GGPS1: variants seen among roughly 807,000 people sequenced by gnomAD.
The protein encoded by GGPS1 is geranylgeranyl pyrophosphate synthase.
A neutral mutation model predicts 28.1 loss-of-function variants in GGPS1; 15 were observed. The observed-to-expected ratio is 0.53, with a 90% CI of 0.36 to 0.82. The LOEUF is 0.82. GGPS1 is among the 40% of genes least tolerant of loss of function. The pLI is 0.01. For missense variants in GGPS1, 284 were observed against 348.3 expected, an observed-to-expected ratio of 0.82 and a Z score of 1.47; for synonymous variants, 138 against 122.4, an observed-to-expected ratio of 1.13 and a Z score of -0.84.
chr1:235,329,134 G>T (rs759082486), intron 1 of GGPS1: 3 of 152,202 alleles, frequency 2.0e-5, no homozygotes, highest in Non-Finnish European at 4.4e-5. Context: ...CAGATCCATC[G>T]TCTTTCTCCC....
intron 1 of GGPS1, among the ~76,000 whole-genome samples, chr1:235,331,306 G>A (rs926458078): frequency 6.6e-6 from 1 of 152,088 alleles, no homozygotes; most frequent in African/African-American, 2.4e-5. Flanking sequence ...GTTTCATATA[G>A]ATAAGAACAG....
chr1:235,327,829 C>G (rs560077534), upstream of GGPS1: 451 of 152,730 alleles, frequency 3.0e-3, 2 homozygotes, highest in Non-Finnish European at 5.1e-3. Context: ...CTTCTCCCCC[C>G]CAAAACCAGC....
rs758770253 is a variant in GGPS1, at chr1:235,342,012, T to C, written c.143T>C (p.Ile48Thr). The C allele has an allele frequency of 9.8e-6, 15 of 1,537,892 alleles. No homozygotes were observed. Among genetic ancestry groups the C allele is most frequent in the Non-Finnish European group, 1.3e-5 (15 of 1,132,476 alleles). The change falls in exon 4 of 4, where the codon ATT becomes ACT. Residue 48 changes from isoleucine to threonine, a missense_variant and splice_region_variant. By Grantham distance (89) the Ile-to-Thr change is moderately conservative. Transcript: ENST00000282841. ...TGAAATTTTCAATTTTTTTATTAGA[T>C]TATTATTGAAGTGACAGAAATGTTG... ...WLKVPEDKLQ[I>T]IIEVTEMLHN...
chr1:235,344,153 A>C lies in GGPS1; in HGVS notation c.*1381A>C, dbSNP rs1572276838. The C allele has an allele frequency of 6.2e-6, 1 of 160,360 alleles. No homozygotes were observed. The highest frequency in any genetic ancestry group is 2.5e-5 in the African/African-American group (1 of 40,302). 9.9% of individuals were successfully genotyped at this position (160,360 alleles called of 1,614,324 possible). A position where few individuals can be genotyped will look rare whatever the true frequency, so the allele number is the denominator to read the frequency against. ...CATCTGTGGCCCAAGAGGTAGGACA[A>C]AAAAAAAAAAAAAAAAAGCTGATTT... On this transcript the variant is annotated 3_prime_UTR_variant, in exon 4 of 4. Transcript: ENST00000282841.
rs763204994 is a variant in GGPS1 at position 235,335,426 on chromosome 1, C to T, written c.70+92C>T. ...AATAGAAAAGGTTAGACTTGCTAGC[C>T]GTTGAGATTTTCTATTTAAGGTGAT... On this transcript the variant is annotated intron_variant, in intron 2 of 3. Transcript: ENST00000282841. 42 of 602,280 alleles carry T rather than the reference C, an allele frequency of 7.0e-5. No individual in the cohort carries two copies. In the Middle Eastern group the frequency reaches 1.1e-3, roughly 15 times the overall value. 37.3% of individuals were successfully genotyped at this position (602,280 alleles called of 1,614,324 possible). A position where few individuals can be genotyped will look rare whatever the true frequency, so the allele number is the denominator to read the frequency against.
chr1:235,344,272 A>G lies in GGPS1; in HGVS notation c.*1500A>G, dbSNP rs1676140491. 6.0e-6 allele frequency: 1 copy of G among 166,870 alleles called. No individual in the cohort carries two copies. The highest frequency in any genetic ancestry group is 1.5e-5 in the Non-Finnish European group (1 of 68,088). 10.3% of individuals were successfully genotyped at this position (166,870 alleles called of 1,614,324 possible). On this transcript the variant is annotated 3_prime_UTR_variant, in exon 4 of 4. Transcript: ENST00000282841. ...TTCTATAGTATGTTACTTAGGATCT[A>G]TTTACCATATATTTGTATGAGAAAT...
At chr1:235,338,714 AT>A (rs1675938684) in intron 2 of GGPS1, among the ~76,000 whole-genome samples, 1 of 151,138 alleles carries the variant, frequency 6.6e-6, no homozygotes, top group African/African-American at 2.4e-5. Context: ...TCTACAAAAA[AT>A]AAATAAATAA....
intron 2 of GGPS1, among the ~76,000 whole-genome samples, chr1:235,340,728 T>C (rs1210540102): frequency 5.0e-5 from 4 of 80,182 alleles, no homozygotes; most frequent in Non-Finnish European, 8.7e-5. Flanking sequence ...AGAGCGAGAC[T>C]CCGTCTCAAA....
chr1:235,329,082 C>G (rs1013965270), intron 1 of GGPS1: 1 of 152,250 alleles, frequency 6.6e-6, no homozygotes, highest in South Asian at 2.1e-4. Context: ...AAATCGGCCT[C>G]GAAGTGATTG....
intron 1 of GGPS1, among the ~76,000 whole-genome samples, chr1:235,332,868 T>C (rs1446372826): frequency 1.3e-5 from 2 of 151,918 alleles, no homozygotes; most frequent in African/African-American, 2.4e-5. Context: ...TAGGGCTGAT[T>C]TAGAAATCGA....
Position 235,342,627 on chromosome 1 carries a change from A to T in GGPS1, c.758A>T (p.Asp253Val), listed in dbSNP as rs375238066. 4.5e-5 allele frequency: 72 copies of T among 1,612,092 alleles called. No homozygotes were observed. Among genetic ancestry groups the T allele is most frequent in the Middle Eastern group, 1.6e-4 (1 of 6,082 alleles). Residue 253 changes from aspartate (D) to valine (V), a missense_variant, in exon 4 of 4, where the codon GAT (aspartate) becomes GTT (valine). Physicochemically the swap from Asp to Val is radical, Grantham distance 152. Coordinates refer to ENST00000282841, the MANE Select transcript of GGPS1 (RefSeq NM_004837.4). Reference protein sequence around the residue: ...IKKYCVHYLEDVGSFEYTRNT... With the variant: ...IKKYCVHYLEVVGSFEYTRNT... ...AAATACTGTGTACATTATCTTGAGG[A>T]TGTAGGTTCTTTTGAATACACTCGT... is the stretch of plus-strand genomic sequence containing the variant.
chr1:235,342,758 G>A lies in GGPS1; in HGVS notation c.889G>A (p.Glu297Lys). The change falls in exon 4 of 4, where the codon GAA becomes AAA. Residue 297 changes from glutamate to lysine, a missense_variant. Physicochemically the swap from Glu to Lys is moderately conservative, Grantham distance 56. Coordinates refer to ENST00000282841, the MANE Select transcript of GGPS1 (RefSeq NM_004837.4). ...LVKHLSKMFK[E>K]ENE is the part of the protein sequence containing the mutation. Reference sequence around the variant, plus strand: ...AAAACACTTAAGTAAGATGTTCAAAGAAGAAAATGAATAATGTTAAGCCAT... The same window carrying A: ...AAAACACTTAAGTAAGATGTTCAAAAAAGAAAATGAATAATGTTAAGCCAT... 1 of 1,575,258 alleles carries A rather than the reference G, an allele frequency of 6.3e-7. No homozygotes were observed. The highest frequency in any genetic ancestry group is 1.2e-5 in the South Asian group (1 of 85,094).
In GGPS1 at chr1:235,342,493, G is replaced by A; in HGVS notation, c.624G>A (p.Leu208=). 1 of 1,613,654 alleles carries A rather than the reference G, an allele frequency of 6.2e-7. No homozygotes were observed. The highest frequency in any genetic ancestry group is 8.5e-7 in the Non-Finnish European group (1 of 1,179,794). ...AAAACAAAAGTTTTTGTGAAGATCTGACAGAGGGAAAGTTCTCATTTCCTA... is the reference window on the plus strand; with the variant it reads ...AAAACAAAAGTTTTTGTGAAGATCTAACAGAGGGAAAGTTCTCATTTCCTA... ...YSENKSFCED[L]TEGKFSFPTI... Residue 208 remains leucine (L), a synonymous_variant, in exon 4 of 4, where the codon CTG becomes CTA. Coordinates refer to ENST00000282841, the MANE Select transcript of GGPS1 (RefSeq NM_004837.4).
At chr1:235,329,693 TA>T (rs984790411) in intron 1 of GGPS1, 2 of 152,238 alleles carry the variant, frequency 1.3e-5, no homozygotes, top group African/African-American at 4.8e-5. Flanking sequence ...TTAGGCTTTG[TA>T]AAGGAGTTTT....
chr1:235,341,078 C>G (rs1676029084), intron 2 of GGPS1, among the ~76,000 whole-genome samples: 1 of 152,154 alleles, frequency 6.6e-6, no homozygotes, highest in South Asian at 2.1e-4. Context: ...GCCTGTAATC[C>G]AAACACTTTG....
At chr1:235,337,946 G>A (rs1558326280) in intron 2 of GGPS1, among the ~76,000 whole-genome samples, 1 of 151,972 alleles carries the variant, frequency 6.6e-6, no homozygotes, top group African/African-American at 2.4e-5. Context: ...TGAGGTGAAG[G>A]GTGGGATTAG....
At chr1:235,330,619 A>T (rs1447048572) in intron 1 of GGPS1, 1 of 152,242 alleles carries the variant, frequency 6.6e-6, no homozygotes, top group Non-Finnish European at 1.5e-5. Flanking sequence ...ATTCTTAAAC[A>T]TCTCTAAGTG....
chr1:235,334,102 G>A (rs1359760766), intron 1 of GGPS1, among the ~76,000 whole-genome samples: 2 of 152,130 alleles, frequency 1.3e-5, no homozygotes, highest in Non-Finnish European at 2.9e-5. Flanking sequence ...ATAAATATAT[G>A]CATTTGAGTT....
Position 235,342,033 on chromosome 1 carries a change from T to C in GGPS1, c.164T>C (p.Met55Thr), listed in dbSNP as rs766714360. The change falls in exon 4 of 4, where the codon ATG (methionine) becomes ACG (threonine). Residue 55 changes from methionine (M) to threonine (T), a missense_variant. Transcript: ENST00000282841. ...TAGATTATTATTGAAGTGACAGAAA[T>C]GTTGCATAATGCCAGTTTACTCATC... The part of the protein sequence containing the change: ...KLQIIIEVTE[M>T]LHNASLLIDD... The C allele has an allele frequency of 6.3e-7, 1 of 1,587,740 alleles. No individual in the cohort carries two copies. The highest frequency in any genetic ancestry group is 1.8e-5 in the Admixed American group (1 of 54,804).
Sources: gnomAD v4.1 joint callset for allele counts (sites outside exome capture counted in the v4.1 genomes callset) on GRCh38, gnomAD v4.1.1 for gene constraint, MANE v1.5 for transcripts, NCBI Gene and HGNC (gene_info 2026-07-23, HGNC 2026-07-21) for gene names.